TTC23L: variants seen among roughly 807,000 people sequenced by gnomAD.
TTC23L encodes the protein tetratricopeptide repeat domain 23 like, also known as tetratricopeptide repeat protein 23-like.
Under a neutral mutation model 48.1 loss-of-function variants are expected in TTC23L, and 42 were observed. That is an observed-to-expected ratio of 0.87 (90% confidence interval 0.68 to 1.13). The LOEUF is 1.13. Ranked by LOEUF, TTC23L falls within the 50% of genes most tolerant of loss-of-function variation. TTC23L has a pLI of 0.00. For missense variants in TTC23L, 391 were observed against 421.0 expected (o/e 0.93, Z 0.62); for synonymous variants, 159 against 157.2 (o/e 1.01, Z -0.09).
At chr5:34,877,375 T>C (rs959784442) in intron 8 of TTC23L, among the ~76,000 whole-genome samples, 1 of 151,994 alleles carries the variant, frequency 6.6e-6, no homozygotes, top group Non-Finnish European at 1.5e-5. Context: ...TTTTTTTTTT[T>C]TTTTGGTTCT....
At chr5:34,916,164 TTTC>T in the TTC23L span, 5 of 350,034 alleles carry the variant, frequency 1.4e-5, no homozygotes, top group Non-Finnish European at 2.6e-5. Flanking sequence ...TCCAGCGTTC[TTTC>T]TTACTAGTTG....
Position 34,842,362 on chromosome 5 carries a change from G to C in TTC23L, c.68+1623G>C, listed in dbSNP as rs937122281. Among the ~76,000 whole-genome samples, 15 of 136,726 alleles carry C rather than the reference G, an allele frequency of 1.1e-4. No homozygotes were observed. In the South Asian group the frequency reaches 3.3e-3, roughly 30 times the overall value. The allele number at this position is 136,726 out of a possible 152,430, so 89.7% of individuals were successfully genotyped here. On this transcript the variant is annotated intron_variant, in intron 2 of 10. Coordinates refer to ENST00000505624, the Ensembl canonical transcript of TTC23L. ...AGTTGGATAGCATTTTTTTTTTTTT[G>C]AGACAGAGTTGTGGAGCACCAGATT...
intron 3 of TTC23L, among the ~76,000 whole-genome samples, chr5:34,849,587 C>A (rs907598448): frequency 5.3e-5 from 8 of 152,164 alleles, no homozygotes; most frequent in Admixed American, 4.6e-4. Flanking sequence ...AATTCCATTT[C>A]TGTGATTAGA....
intron 9 of TTC23L, among the ~76,000 whole-genome samples, chr5:34,884,523 TACAC>T (rs572660867): frequency 1.0e-4 from 15 of 148,730 alleles, no homozygotes; most frequent in East Asian, 7.9e-4. Context: ...AATGATCACA[TACAC>T]ACACACACAC....
chr5:34,925,137 G>T, the TTC23L span: 1 of 1,448,046 alleles, frequency 6.9e-7, no homozygotes. Context: ...TGGCTGAAAG[G>T]ATATATGGTT....
At chr5:34,903,377 C>T (rs1267743423), downstream of TTC23L, among the ~76,000 whole-genome samples, 1 of 152,100 alleles carries the variant, frequency 6.6e-6, no homozygotes, top group East Asian at 1.9e-4. Flanking sequence ...CTAGAGATTT[C>T]CCATTTACCC....
the TTC23L span, chr5:34,925,315 G>A: frequency 2.4e-5 from 39 of 1,612,946 alleles, no homozygotes; most frequent in South Asian, 1.6e-4. Flanking sequence ...AGAAAGAGCC[G>A]AAGACTCTTC....
At chr5:34,881,900 G>T (rs1762247890) in intron 9 of TTC23L, among the ~76,000 whole-genome samples, 1 of 149,886 alleles carries the variant, frequency 6.7e-6, no homozygotes, top group African/African-American at 2.5e-5. Context: ...GAACAGCTGG[G>T]ATTACAGGCG....
chr5:34,925,066 G>T, the TTC23L span: 1 of 1,504,518 alleles, frequency 6.6e-7, no homozygotes, highest in African/African-American at 1.4e-5. Context: ...TATTACCTGT[G>T]AAACTGAATT....
intron 9 of TTC23L, among the ~76,000 whole-genome samples, chr5:34,896,236 C>T (rs945021645): frequency 3.3e-5 from 5 of 152,162 alleles, no homozygotes; most frequent in Admixed American, 6.5e-5. Flanking sequence ...TACTCTGCCA[C>T]GCCCACAGAA....
intron 9 of TTC23L, among the ~76,000 whole-genome samples, chr5:34,882,606 G>T (rs9292566): frequency 0.1 from 13,165 of 128,624 alleles, 972 homozygotes; most frequent in African/African-American, 0.21. Flanking sequence ...CTTGGGAATT[G>T]TTCCCATGGA....
the TTC23L span, chr5:34,915,760 C>T: frequency 1.9e-6 from 3 of 1,603,060 alleles, no homozygotes; most frequent in South Asian, 1.1e-5. Context: ...CAAGAGGAAA[C>T]GGCGTGGAGG....
At chr5:34,846,703 G>A (rs1194559071) in intron 3 of TTC23L, among the ~76,000 whole-genome samples, 7 of 129,222 alleles carry the variant, frequency 5.4e-5, no homozygotes, top group African/African-American at 1.7e-4. Flanking sequence ...GTGTGTGTGT[G>A]TGTGTATCCA....
chr5:34,864,324 C>G, intron 5 of TTC23L, 113 bp from the exon 6 acceptor site: 2 of 1,274,382 alleles, frequency 1.6e-6, no homozygotes, highest in Non-Finnish European at 2.2e-6. Context: ...GTTAAGTACC[C>G]ATTTTTAATA....
At chr5:34,842,445 A>C (rs1758765254) in intron 2 of TTC23L, among the ~76,000 whole-genome samples, 1 of 152,102 alleles carries the variant, frequency 6.6e-6, no homozygotes, top group South Asian at 2.1e-4. Context: ...GGACTGAACA[A>C]AGGAGGGGTG....
chr5:34,911,399 T>C, the TTC23L span, among the ~76,000 whole-genome samples: 2 of 152,186 alleles, frequency 1.3e-5, no homozygotes, highest in Non-Finnish European at 2.9e-5. Flanking sequence ...CTTAAGTTTC[T>C]TGATCCATAA....
At chr5:34,900,296 A>G (rs1763472551), downstream of TTC23L, among the ~76,000 whole-genome samples, 2 of 152,182 alleles carry the variant, frequency 1.3e-5, no homozygotes, top group Admixed American at 1.3e-4. Flanking sequence ...AGTATATAAT[A>G]TATTCTTACA....
At chr5:34,868,990 T>C (rs746439494) in exon 8 of TTC23L, 3 of 1,609,148 alleles carry the variant, frequency 1.9e-6, no homozygotes, top group Admixed American at 1.7e-5. Context: ...GCTTATGCCA[T>C]GTCTGGAGAG....
intron 8 of TTC23L, among the ~76,000 whole-genome samples, chr5:34,873,427 C>T (rs1397618871): frequency 6.6e-6 from 1 of 152,156 alleles, no homozygotes; most frequent in Non-Finnish European, 1.5e-5. Context: ...GCCCTCCTGC[C>T]TGGGGCTGCT....
Sources: allele counts gnomAD v4.1 joint callset (sites outside exome capture counted in the v4.1 genomes callset), GRCh38; gene constraint gnomAD v4.1.1; transcripts MANE v1.5; gene names NCBI Gene and HGNC (gene_info 2026-07-23, HGNC 2026-07-21).